LTBP1: variants seen among roughly 807,000 people sequenced by gnomAD.
LTBP1 encodes latent-transforming growth factor beta-binding protein 1.
Under a neutral mutation model 207.6 loss-of-function variants are expected in LTBP1, and 129 were observed. The observed-to-expected ratio is 0.62, with a 90% CI of 0.54 to 0.72. The LOEUF is 0.72. LTBP1 is among the 30% of genes least tolerant of loss of function. The pLI, the probability that LTBP1 is intolerant of heterozygous loss-of-function variation, is 0.00. For missense variants in LTBP1, 2,281 were observed against 2,217.2 expected (o/e 1.03, Z -0.58); for synonymous variants, 963 against 833.7 (o/e 1.16, Z -2.67).
intron 4 of LTBP1, among the ~76,000 whole-genome samples, chr2:33,129,408 G>T (rs1385834636): frequency 6.6e-6 from 1 of 152,108 alleles, no homozygotes. Flanking sequence ...AGTTCTAGTG[G>T]ACCCAGAACC....
rs540994822 is a variant in LTBP1 at position 33,034,336 on chromosome 2, C to T, written c.863+13130C>T. Among the ~76,000 whole-genome samples the T allele has an allele frequency of 2.4e-3, 365 of 151,944 alleles. 1 individual carries two copies. The highest frequency in any genetic ancestry group is 6.8e-3 in the Middle Eastern group (2 of 294). ...TTTCAGAACCCATGAAAACACTTGT[C>T]GGTATTAATATAATTAAGGTATTTA... On this transcript the variant is annotated intron_variant, in intron 3 of 33. Coordinates refer to ENST00000404816, the MANE Select transcript of LTBP1 (RefSeq NM_206943.4).
intron 5 of LTBP1, among the ~76,000 whole-genome samples, chr2:33,158,148 C>CAAAAAAAAAAAAAAAAAAAAAAA (rs59789805): frequency 8.8e-6 from 1 of 113,896 alleles, no homozygotes; most frequent in Non-Finnish European, 1.7e-5. Flanking sequence ...AAAAAAAAAA[C>CAAAAAAAAAAAAAAAAAAAAAAA]AAAAAAAAAA....
chr2:33,314,944 G>T (rs1328439125), intron 23 of LTBP1, among the ~76,000 whole-genome samples, 200 bp from the exon 24 acceptor site: 1 of 152,124 alleles, frequency 6.6e-6, no homozygotes, highest in African/African-American at 2.4e-5. Context: ...TTGTACATTG[G>T]CTATTTCCTA....
chr2:33,227,388 C>T (rs1388797527), intron 9 of LTBP1, among the ~76,000 whole-genome samples: 3 of 152,142 alleles, frequency 2.0e-5, no homozygotes, highest in South Asian at 2.1e-4. Flanking sequence ...ACTGATAGAC[C>T]GTTTGTATTA....
rs190310091 is a variant in LTBP1, at chr2:33,310,560, G to A, written c.3604+1004G>A. On this transcript the variant is annotated intron_variant, in intron 23 of 33. Coordinates refer to ENST00000404816, the MANE Select transcript of LTBP1 (RefSeq NM_206943.4). ...GAGTAACTGAGGCTCCGAGAAGTTA[G>A]GGAGTATGCTGCTCTCTAATGAGTG... Among the ~76,000 whole-genome samples the A allele has an allele frequency of 4.6e-5, 7 of 152,278 alleles. No individual in the cohort carries two copies. In the East Asian group the frequency reaches 1.4e-3, roughly 29 times the overall value.
chr2:33,358,639 T>C (rs80073423), intron 26 of LTBP1, among the ~76,000 whole-genome samples: 9,154 of 152,140 alleles, frequency 0.06, 330 homozygotes, highest in African/African-American at 0.098. Flanking sequence ...GCACAAACCA[T>C]AGAATAAACC....
intron 24 of LTBP1, among the ~76,000 whole-genome samples, chr2:33,328,338 T>C (rs992813500): frequency 1.3e-5 from 2 of 152,138 alleles, no homozygotes; most frequent in African/African-American, 2.4e-5. Flanking sequence ...ACCACTATCC[T>C]GACTTCATTA....
intron 31 of LTBP1, among the ~76,000 whole-genome samples, chr2:33,370,360 G>A (rs373431568): frequency 6.6e-6 from 1 of 152,250 alleles, no homozygotes; most frequent in African/African-American, 2.4e-5. Flanking sequence ...CCACTGCTTC[G>A]TAAACATTAA....
At chr2:33,206,681 G>A (rs1175828205) in intron 7 of LTBP1, among the ~76,000 whole-genome samples, 8 of 151,466 alleles carry the variant, frequency 5.3e-5, no homozygotes, top group African/African-American at 1.9e-4. Flanking sequence ...GGAGCTTGCA[G>A]TGAGCCGAGA....
At chr2:33,354,683 T>TACACACACACACACAC (rs71409608) in intron 26 of LTBP1, among the ~76,000 whole-genome samples, 18 of 139,768 alleles carry the variant, frequency 1.3e-4, no homozygotes, top group African/African-American at 4.2e-4. Flanking sequence ...ACTAAAACTA[T>TACACACACACACACAC]ACACACACAC....
At chr2:33,299,393 T>C (rs72859522) in intron 20 of LTBP1, among the ~76,000 whole-genome samples, 2,284 of 152,300 alleles carry the variant, frequency 0.015, 63 homozygotes, top group African/African-American at 0.052. Flanking sequence ...CAGTCATACA[T>C]TGATCTATAG....
In LTBP1 at chr2:32,947,830, C is replaced by T; in HGVS notation, c.494+12C>T. On this transcript the variant is annotated intron_variant, in intron 1 of 33. Coordinates refer to ENST00000404816, the MANE Select transcript of LTBP1 (RefSeq NM_206943.4). Reference sequence around the variant, plus strand: ...CAGCAGCTGCAGGGGTAAGCCCACACCCCCTTCCGCCCGCCCGCCCGCCTC... The same window carrying T: ...CAGCAGCTGCAGGGGTAAGCCCACATCCCCTTCCGCCCGCCCGCCCGCCTC... 2 of 1,301,186 alleles carry T rather than the reference C, an allele frequency of 1.5e-6. No homozygotes were observed. Among genetic ancestry groups the T allele is most frequent in the Non-Finnish European group, 2.0e-6 (2 of 1,018,316 alleles). The allele number at this position is 1,301,186 out of a possible 1,614,324, so 80.6% of individuals were successfully genotyped here.
chr2:33,295,713 A>C (rs553706795), intron 20 of LTBP1, among the ~76,000 whole-genome samples: 5 of 152,194 alleles, frequency 3.3e-5, no homozygotes, highest in Admixed American at 3.3e-4. Flanking sequence ...TACATCTAAA[A>C]GTATGTTCTA....
chr2:33,108,779 C>G lies in LTBP1; in HGVS notation c.864-1803C>G, dbSNP rs114990541. ...AATTGCTTCCGAGATGCGGAGGATT[C>G]CTCTTTCCAAGAGGCTGATAGAAGA... On this transcript the variant is annotated intron_variant, in intron 3 of 33. Coordinates refer to ENST00000404816, the MANE Select transcript of LTBP1 (RefSeq NM_206943.4). Among the ~76,000 whole-genome samples, 1,275 of 152,294 alleles carry G rather than the reference C, an allele frequency of 8.4e-3. 7 individuals carry two copies. The highest frequency in any genetic ancestry group is 0.02 in the Middle Eastern group (6 of 294).
At chr2:33,239,538 A>G (rs755119273) in intron 9 of LTBP1, among the ~76,000 whole-genome samples, 3 of 152,198 alleles carry the variant, frequency 2.0e-5, no homozygotes, top group Non-Finnish European at 4.4e-5. Flanking sequence ...CAAACTAAAT[A>G]TTAAAATACT....
At chr2:33,216,004 T>C (rs936955306) in intron 7 of LTBP1, among the ~76,000 whole-genome samples, 4 of 152,188 alleles carry the variant, frequency 2.6e-5, no homozygotes, top group African/African-American at 9.6e-5. Flanking sequence ...TGAGCCACCA[T>C]GCCTGGCCCC....
chr2:32,951,444 C>T (rs1677086665), intron 2 of LTBP1, among the ~76,000 whole-genome samples: 1 of 152,126 alleles, frequency 6.6e-6, no homozygotes, highest in Non-Finnish European at 1.5e-5. Flanking sequence ...TCTGGGAGAT[C>T]CAGGGAGCTG....
rs568937089 is a variant in LTBP1, at chr2:33,102,776, C to A, written c.864-7806C>A. On this transcript the variant is annotated intron_variant, in intron 3 of 33. Transcript: ENST00000404816. ...ACTGTCCGTATGCACAGTCTGTATGCTGAATGCACAGTCTATATGTTGTAT... is the reference window on the plus strand; with the variant it reads ...ACTGTCCGTATGCACAGTCTGTATGATGAATGCACAGTCTATATGTTGTAT... Among the ~76,000 whole-genome samples the A allele has an allele frequency of 4.6e-5, 7 of 152,268 alleles. No individual in the cohort carries two copies. The South Asian group carries it at 1.4e-3, about 32-fold the overall frequency.
intron 3 of LTBP1, among the ~76,000 whole-genome samples, chr2:33,109,327 CT>C (rs1371508863): frequency 6.6e-6 from 1 of 152,196 alleles, no homozygotes. Flanking sequence ...TAGTCAGTCC[CT>C]CCTTAGGATC....
Sources: allele counts gnomAD v4.1 joint callset (sites outside exome capture counted in the v4.1 genomes callset), GRCh38; gene constraint gnomAD v4.1.1; transcripts MANE v1.5; gene names NCBI Gene and HGNC (gene_info 2026-07-23, HGNC 2026-07-21).